Variants in FOXP4 observed in about 807,000 individuals in gnomAD.
The protein encoded by FOXP4 is forkhead box protein P4.
A neutral mutation model predicts 82.6 loss-of-function variants in FOXP4; 25 were observed. The observed-to-expected ratio is 0.30, with a 90% CI of 0.22 to 0.42. The LOEUF (loss-of-function observed/expected upper bound fraction) is 0.42, where lower values mean the gene tolerates loss of function less well. Ranked by LOEUF, FOXP4 falls within the 10% of genes least tolerant of loss-of-function variation. The pLI is 1.00. For missense variants in FOXP4, 785 were observed against 900.9 expected (o/e 0.87, Z 1.65); for synonymous variants, 415 against 388.2 (o/e 1.07, Z -0.81).
At chr6:41,592,803 T>C (rs533494998) in intron 13 of FOXP4, among the ~76,000 whole-genome samples, 1 of 152,226 alleles carries the variant, frequency 6.6e-6, no homozygotes, top group African/African-American at 2.4e-5. Flanking sequence ...GTGACTTCCT[T>C]AAACTACTCA....
chr6:41,576,127 A>AGAAACATC (rs1765473066), intron 2 of FOXP4, among the ~76,000 whole-genome samples: 1 of 150,794 alleles, frequency 6.6e-6, no homozygotes, highest in African/African-American at 2.4e-5. Flanking sequence ...TCTGAAGTGA[A>AGAAACATC]TCTGGAAGAG....
intron 1 of FOXP4, among the ~76,000 whole-genome samples, chr6:41,547,294 G>A (rs931841154): frequency 1.3e-5 from 2 of 151,988 alleles, no homozygotes; most frequent in African/African-American, 4.8e-5. Flanking sequence ...GTACGGGGGC[G>A]CGACCCCCTC....
intron 9 of FOXP4, 50 bp downstream of exon 9, chr6:41,588,781 C>A: frequency 6.3e-7 from 1 of 1,597,918 alleles, no homozygotes; most frequent in Non-Finnish European, 8.6e-7. Context: ...CCAGCCCCTG[C>A]CCACCCACAG....
chr6:41,562,791 G>A (rs1207480204), intron 1 of FOXP4, among the ~76,000 whole-genome samples: 1 of 152,232 alleles, frequency 6.6e-6, no homozygotes, highest in Non-Finnish European at 1.5e-5. Flanking sequence ...CAGAGCCAGG[G>A]TTGGGGGAGA....
intron 2 of FOXP4, among the ~76,000 whole-genome samples, chr6:41,572,578 C>T (rs1011505061): frequency 1.3e-5 from 2 of 152,142 alleles, no homozygotes; most frequent in African/African-American, 4.8e-5. Context: ...TGGGCCAGCA[C>T]CCTCAAATAC....
At chr6:41,554,860 CAAA>C (rs897133160) in intron 1 of FOXP4, among the ~76,000 whole-genome samples, 1 of 131,514 alleles carries the variant, frequency 7.6e-6, no homozygotes, top group African/African-American at 2.8e-5. Context: ...ACTCTGCCTC[CAAA>C]AAAAAAAAAG....
chr6:41,598,682 C>A, intron 16 of FOXP4, 107 bp from the exon 17 acceptor site: 2 of 1,469,442 alleles, frequency 1.4e-6, no homozygotes, highest in Admixed American at 2.0e-5. Context: ...GGGGAGGGGG[C>A]TGTGGGCACC....
chr6:41,554,283 G>C (rs776297616), intron 1 of FOXP4, among the ~76,000 whole-genome samples: 3 of 152,174 alleles, frequency 2.0e-5, no homozygotes, highest in Non-Finnish European at 2.9e-5. Context: ...GCTGAGTTTT[G>C]TTGACCCACA....
At chr6:41,554,795 G>A (rs899314736) in intron 1 of FOXP4, among the ~76,000 whole-genome samples, 1 of 152,128 alleles carries the variant, frequency 6.6e-6, no homozygotes. Context: ...GGGAGGCGGA[G>A]GTTGCAGTGA....
At position 41,567,660 on chromosome 6, in the gene FOXP4, T is replaced by C. The variant is rs75054579; in HGVS notation, c.204+1696T>C. 1.4e-4 allele frequency among the ~76,000 whole-genome samples: 22 copies of C among 152,278 alleles called. No homozygotes were observed. In the South Asian group the frequency reaches 3.3e-3, roughly 23 times the overall value. On this transcript the variant is annotated intron_variant, in intron 2 of 16. Transcript: ENST00000307972. Reference sequence around the variant, plus strand: ...AACTGGAAAGTTTCTTTTAAAAAATTTCTGAAAATGAAGAACGGACACAGT... The same window carrying C: ...AACTGGAAAGTTTCTTTTAAAAAATCTCTGAAAATGAAGAACGGACACAGT...
Position 41,565,948 on chromosome 6 carries a change from A to G in FOXP4, c.188A>G (p.His63Arg). ...GAGATGAGTCCCGCAGAGCTGCTGCACTTCCAGCAGCAACAGGTAGGAACT... is the reference window on the plus strand; with the variant it reads ...GAGATGAGTCCCGCAGAGCTGCTGCGCTTCCAGCAGCAACAGGTAGGAACT... ...NGEMSPAELLHFQQQQALQVA... is the reference protein window; with the variant it reads ...NGEMSPAELLRFQQQQALQVA... The change falls in exon 2 of 17, where the codon CAC becomes CGC. Residue 63 changes from histidine (H) to arginine (R), a missense_variant. Transcript: ENST00000307972. The G allele has an allele frequency of 6.2e-7, 1 of 1,613,378 alleles. No individual in the cohort carries two copies. Among genetic ancestry groups the G allele is most frequent in the Non-Finnish European group, 8.5e-7 (1 of 1,179,740 alleles).
intron 2 of FOXP4, chr6:41,570,488 T>C: frequency 2.3e-6 from 1 of 427,672 alleles, no homozygotes; most frequent in Non-Finnish European, 4.9e-6. Flanking sequence ...CCCTCCCAGG[T>C]CCCTGAGAGC....
chr6:41,556,355 G>A (rs1180009981), intron 1 of FOXP4, among the ~76,000 whole-genome samples: 22 of 147,352 alleles, frequency 1.5e-4, no homozygotes, highest in African/African-American at 4.0e-4. Context: ...ATGGAGTCTC[G>A]CTCTGTTGCC....
intron 14 of FOXP4, 106 bp from the exon 15 acceptor site, chr6:41,597,070 A>C: frequency 8.3e-7 from 1 of 1,201,306 alleles, no homozygotes; most frequent in Non-Finnish European, 1.2e-6. Context: ...CGGAATAGGG[A>C]ATGGGACCCA....
chr6:41,593,747 A>G lies in FOXP4; in HGVS notation c.1537-1123A>G, dbSNP rs1038943932. Among the ~76,000 whole-genome samples the G allele has an allele frequency of 6.6e-6, 1 of 152,224 alleles. No homozygotes were observed. The highest frequency in any genetic ancestry group is 2.4e-5 in the African/African-American group (1 of 41,450). ...TAGCAAGCGAGTCGGAAAAATACACAGGATTTAATTAGAGGCAAATTAAAA... is the reference window on the plus strand; with the variant it reads ...TAGCAAGCGAGTCGGAAAAATACACGGGATTTAATTAGAGGCAAATTAAAA... On this transcript the variant is annotated intron_variant, in intron 13 of 16. Transcript: ENST00000307972. The surrounding 1 kb of genome is among the most constrained non-coding windows in gnomAD (Gnocchi z 4.1).
At chr6:41,594,636 T>A (rs1766715956) in intron 13 of FOXP4, among the ~76,000 whole-genome samples, 1 of 152,136 alleles carries the variant, frequency 6.6e-6, no homozygotes, top group Non-Finnish European at 1.5e-5. Flanking sequence ...AGGAGGCAGC[T>A]AATAAAATGG....
intron 1 of FOXP4, among the ~76,000 whole-genome samples, chr6:41,549,505 C>T (rs949987522): frequency 2.6e-5 from 4 of 152,070 alleles, no homozygotes; most frequent in Admixed American, 6.5e-5. Flanking sequence ...TGTGCATATC[C>T]TGCTGGGCCC....
At chr6:41,580,174 T>G (rs1262309893) in intron 3 of FOXP4, among the ~76,000 whole-genome samples, 3 of 152,070 alleles carry the variant, frequency 2.0e-5, no homozygotes, top group Non-Finnish European at 4.4e-5. Context: ...CCCAAGTAGC[T>G]GGGATTACAG....
chr6:41,567,521 C>A (rs1028214653), intron 2 of FOXP4, among the ~76,000 whole-genome samples: 2 of 152,238 alleles, frequency 1.3e-5, no homozygotes, highest in Admixed American at 6.5e-5. Flanking sequence ...TAGCAAAACA[C>A]ACCCCACCAG....
Sources: gnomAD v4.1 joint callset for allele counts (sites outside exome capture counted in the v4.1 genomes callset) on GRCh38, gnomAD v4.1.1 for gene constraint, Gnocchi (gnomAD v3.1) non-coding constraint, MANE v1.5 for transcripts, NCBI Gene and HGNC (gene_info 2026-07-23, HGNC 2026-07-21) for gene names.